The following MDGA2 variants were observed in gnomAD, a reference collection of about 807,000 sequenced individuals.
The protein encoded by MDGA2 is MAM domain-containing glycosylphosphatidylinositol anchor protein 2.
Under a neutral mutation model 117.8 loss-of-function variants are expected in MDGA2, and 40 were observed. The ratio of observed to expected loss-of-function variants is 0.34; its 90% CI spans 0.26 to 0.44. MDGA2 has a LOEUF of 0.44. Ranked by LOEUF, MDGA2 falls within the 20% of genes least tolerant of loss-of-function variation. The probability of loss-of-function intolerance (pLI) is 1.00; values close to 1 mark genes in which losing one functional copy is unlikely to be tolerated. For synonymous variants in MDGA2, 452 were observed against 439.0 expected, an observed-to-expected ratio of 1.03 and a Z score of -0.37; for missense variants, 1,123 against 1,250.6, an observed-to-expected ratio of 0.90 and a Z score of 1.54.
intron 6 of MDGA2, among the ~76,000 whole-genome samples, chr14:47,087,460 CAA>C (rs749371957): frequency 1.6e-3 from 108 of 67,958 alleles, no homozygotes; most frequent in South Asian, 5.5e-3. Context: ...GACTCCACAT[CAA>C]AAAAAAAAAA....
At chr14:47,192,524 G>A (rs1885153724) in intron 3 of MDGA2, among the ~76,000 whole-genome samples, 1 of 151,894 alleles carries the variant, frequency 6.6e-6, no homozygotes, top group African/African-American at 2.4e-5. Context: ...CTGAGGCATG[G>A]AAATTGCTTG....
intron 3 of MDGA2, among the ~76,000 whole-genome samples, chr14:47,208,530 C>CTTTT (rs35699705): frequency 8.6e-4 from 122 of 142,342 alleles, no homozygotes; most frequent in Non-Finnish European, 9.3e-4. Context: ...TCTCTAAACT[C>CTTTT]TTTTTTTTTT....
intron 1 of MDGA2, among the ~76,000 whole-genome samples, chr14:47,543,964 T>C (rs1895404943): frequency 6.6e-6 from 1 of 152,376 alleles, no homozygotes; most frequent in African/African-American, 2.4e-5. Flanking sequence ...CTTTGTTTAA[T>C]CCAGTGTCTT....
At chr14:47,532,875 TG>T (rs2138736227) in intron 1 of MDGA2, among the ~76,000 whole-genome samples, 1 of 152,352 alleles carries the variant, frequency 6.6e-6, no homozygotes, top group South Asian at 2.1e-4. Flanking sequence ...GATCTGATTT[TG>T]CTATGCTTTC....
chr14:47,148,591 T>C (rs1883039929), intron 3 of MDGA2, among the ~76,000 whole-genome samples: 2 of 152,206 alleles, frequency 1.3e-5, no homozygotes, highest in Non-Finnish European at 2.9e-5. Context: ...ATCTGGATCC[T>C]GTGTATGACA....
chr14:47,012,336 G>A (rs1421543284), intron 8 of MDGA2, among the ~76,000 whole-genome samples: 1 of 152,100 alleles, frequency 6.6e-6, no homozygotes, highest in Non-Finnish European at 1.5e-5. Context: ...CATTCTCAGA[G>A]TGAACATTTT....
At chr14:47,638,851 T>A (rs1413964548) in intron 1 of MDGA2, among the ~76,000 whole-genome samples, 1 of 152,190 alleles carries the variant, frequency 6.6e-6, no homozygotes, top group Non-Finnish European at 1.5e-5. Context: ...CAATTCATTA[T>A]TAAAATGGTC....
chr14:46,923,847 T>C (rs1884225438), intron 9 of MDGA2, among the ~76,000 whole-genome samples: 1 of 152,096 alleles, frequency 6.6e-6, no homozygotes, highest in African/African-American at 2.4e-5. Context: ...TATAATAATC[T>C]TGGGCTTTGA....
At chr14:46,866,398 G>A (rs1451957601) in intron 14 of MDGA2, among the ~76,000 whole-genome samples, 1 of 152,046 alleles carries the variant, frequency 6.6e-6, no homozygotes, top group Non-Finnish European at 1.5e-5. Context: ...AATTAAAGAT[G>A]GATTAAAGAC....
At chr14:47,128,613 T>G (rs968511058) in intron 5 of MDGA2, among the ~76,000 whole-genome samples, 1 of 152,120 alleles carries the variant, frequency 6.6e-6, no homozygotes, top group Middle Eastern at 3.2e-3. Flanking sequence ...TCCCCTTTTT[T>G]AAGTCAGATG....
At chr14:47,217,718 T>C (rs1243089281) in intron 3 of MDGA2, among the ~76,000 whole-genome samples, 1 of 152,094 alleles carries the variant, frequency 6.6e-6, no homozygotes, top group South Asian at 2.1e-4. Flanking sequence ...TATCTTTATA[T>C]ATAAAGATAA....
At chr14:47,155,861 C>T (rs1042345124) in intron 3 of MDGA2, among the ~76,000 whole-genome samples, 7 of 120,760 alleles carry the variant, frequency 5.8e-5, no homozygotes, top group Admixed American at 8.6e-5. Flanking sequence ...AATTTTTTTA[C>T]AATTCTTTTC....
intron 4 of MDGA2, among the ~76,000 whole-genome samples, chr14:47,134,420 A>G (rs1294769724): frequency 1.3e-5 from 2 of 152,076 alleles, no homozygotes; most frequent in Non-Finnish European, 1.5e-5. Context: ...AATACACTTA[A>G]GAGAAAAATT....
intron 1 of MDGA2, among the ~76,000 whole-genome samples, chr14:47,487,766 C>G (rs1476637643): frequency 5.9e-5 from 9 of 152,046 alleles, no homozygotes; most frequent in Admixed American, 5.9e-4. Context: ...TTTAATAAAT[C>G]TTAATTTATT....
At chr14:47,183,394 G>A (rs1053423267) in intron 3 of MDGA2, among the ~76,000 whole-genome samples, 3 of 151,872 alleles carry the variant, frequency 2.0e-5, no homozygotes, top group Admixed American at 6.6e-5. Context: ...ACATTATAGC[G>A]AGAAAGAGCT....
intron 7 of MDGA2, chr14:47,059,349 C>T (rs536744090): frequency 3.2e-6 from 4 of 1,260,780 alleles, no homozygotes; most frequent in Non-Finnish European, 3.1e-6. Flanking sequence ...TGGAAGAAGT[C>T]AATATATTTC....
intron 1 of MDGA2, among the ~76,000 whole-genome samples, chr14:47,657,389 C>A (rs946239546): frequency 6.6e-6 from 1 of 152,118 alleles, no homozygotes; most frequent in Admixed American, 6.6e-5. Context: ...AGGGAAGAAG[C>A]CGTAGTGAAA....
intron 8 of MDGA2, among the ~76,000 whole-genome samples, chr14:47,034,331 G>C (rs532151150): frequency 1.3e-5 from 2 of 152,076 alleles, no homozygotes; most frequent in South Asian, 4.1e-4. Flanking sequence ...AACTATAACC[G>C]TGATTTCAGT....
intron 2 of MDGA2, among the ~76,000 whole-genome samples, chr14:47,223,880 T>G (rs1886385738): frequency 6.6e-6 from 1 of 152,088 alleles, no homozygotes. Flanking sequence ...CTTTTTCACA[T>G]GGCGGCAGGA....
Sources: gnomAD v4.1 joint callset for allele counts (sites outside exome capture counted in the v4.1 genomes callset) on GRCh38, gnomAD v4.1.1 for gene constraint, MANE v1.5 for transcripts, NCBI Gene and HGNC (gene_info 2026-07-23, HGNC 2026-07-21) for gene names.